KMT5A: variants seen among roughly 807,000 people sequenced by gnomAD.
KMT5A encodes the protein lysine methyltransferase 5A.
KMT5A carries 6 observed loss-of-function variants against 40.6 expected under a neutral mutation model. The ratio of observed to expected loss-of-function variants is 0.15; its 90% confidence interval spans 0.08 to 0.29. KMT5A has a LOEUF of 0.29. Among genes scored for constraint, KMT5A ranks in the 10% least tolerant of loss-of-function variants. The pLI, the probability that KMT5A is intolerant of heterozygous loss-of-function variation, is 1.00. For missense variants in KMT5A, 308 were observed against 459.1 expected (o/e 0.67, Z 3.01); for synonymous variants, 153 against 178.8 (o/e 0.86, Z 1.15).
In KMT5A at chr12:123,384,159, G is replaced by C; in HGVS notation, c.-40G>C. ...GTTGTTGCAACTTTTTTCGAAAGCT[G>C]GGTTTCCCGGGAGATCCCAGGCGGT... is the stretch of plus-strand genomic sequence containing the variant. On this transcript the variant is annotated 5_prime_UTR_variant, in exon 1 of 8. Transcript: ENST00000402868. The surrounding 1 kb of genome is among the most constrained non-coding windows in gnomAD (Gnocchi z 5.7). 3 of 1,613,062 alleles carry C rather than the reference G, an allele frequency of 1.9e-6. No homozygotes were observed. Among genetic ancestry groups the C allele is most frequent in the Admixed American group, 1.7e-5 (1 of 59,902 alleles).
intron 1 of KMT5A, among the ~76,000 whole-genome samples, chr12:123,386,579 A>G (rs1399640296): frequency 6.6e-6 from 1 of 152,202 alleles, no homozygotes; most frequent in Admixed American, 6.5e-5. Context: ...TTTTTCTTCT[A>G]GAAAATTGGG....
At chr12:123,407,444 A>G in intron 7 of KMT5A, 49 bp from the exon 8 acceptor site, 1 of 1,579,182 alleles carries the variant, frequency 6.3e-7, no homozygotes, top group Non-Finnish European at 8.7e-7. Flanking sequence ...CTTCAGGTTG[A>G]AAAGCCTCTT....
rs1324702539 is a variant in KMT5A, at chr12:123,407,976, TC to T, written c.*276del. 1 of 409,340 alleles carries T rather than the reference TC, an allele frequency of 2.4e-6. No individual in the cohort carries two copies. Among genetic ancestry groups the T allele is most frequent in the East Asian group, 5.1e-5 (1 of 19,496 alleles). 25.4% of individuals were successfully genotyped at this position (409,340 alleles called of 1,614,324 possible). ...TGCATACAAGCCGAACGTTTGTGCT[TC>T]CCGTGCATGCAGTCAAAGACTCAGC... is the stretch of plus-strand genomic sequence containing the variant. On this transcript the variant is annotated 3_prime_UTR_variant, in exon 8 of 8. Transcript: ENST00000402868.
intron 3 of KMT5A, among the ~76,000 whole-genome samples, chr12:123,393,050 G>A (rs1421274945): frequency 1.3e-5 from 2 of 152,020 alleles, no homozygotes; most frequent in Admixed American, 6.6e-5. Context: ...CTAATTTTTT[G>A]TATTTTCAGT....
At chr12:123,397,295 C>T (rs766241758) in intron 5 of KMT5A, among the ~76,000 whole-genome samples, 1 of 152,234 alleles carries the variant, frequency 6.6e-6, no homozygotes, top group Non-Finnish European at 1.5e-5. Flanking sequence ...TCTTCCCCCT[C>T]AGGGACACCT....
chr12:123,407,959 A>G lies in KMT5A; in HGVS notation c.*256A>G. Reference sequence around the variant, plus strand: ...TGTTTTTGTACTTTTTTTGCATACAAGCCGAACGTTTGTGCTTCCCGTGCA... The same window carrying G: ...TGTTTTTGTACTTTTTTTGCATACAGGCCGAACGTTTGTGCTTCCCGTGCA... On this transcript the variant is annotated 3_prime_UTR_variant, in exon 8 of 8. Transcript: ENST00000402868. The G allele has an allele frequency of 2.2e-6, 1 of 458,028 alleles. No homozygotes were observed. Among genetic ancestry groups the G allele is most frequent in the Non-Finnish European group, 3.9e-6 (1 of 253,844 alleles). The allele number at this position is 458,028 out of a possible 1,614,324, so 28.4% of individuals were successfully genotyped here.
chr12:123,397,538 A>T (rs1384450507), intron 5 of KMT5A, among the ~76,000 whole-genome samples: 4 of 152,120 alleles, frequency 2.6e-5, no homozygotes, highest in Non-Finnish European at 5.9e-5. Flanking sequence ...AAAAATTTTT[A>T]AAAAGGTCCA....
intron 5 of KMT5A, among the ~76,000 whole-genome samples, chr12:123,401,235 G>A (rs1386164717): frequency 3.4e-5 from 4 of 118,456 alleles, no homozygotes; most frequent in African/African-American, 1.3e-4. Flanking sequence ...TGCAAGCTCC[G>A]CCTCCCGGGC....
Position 123,407,243 on chromosome 12 carries a change from G to A in KMT5A, c.849-250G>A, listed in dbSNP as rs533497387. ...GGTCAAAGCTACTCGGGAGGCTGAG[G>A]TAGGAGGATGACTTGAGCCCGGGAG... On this transcript the variant is annotated intron_variant, in intron 7 of 7. Coordinates refer to ENST00000402868, the MANE Select transcript of KMT5A (RefSeq NM_020382.7). 6.6e-5 allele frequency among the ~76,000 whole-genome samples: 10 copies of A among 151,746 alleles called. No individual in the cohort carries two copies. The South Asian group carries it at 1.9e-3, about 28-fold the overall frequency.
chr12:123,395,360 G>A (rs1338805235), intron 4 of KMT5A, 94 bp downstream of exon 4: 2 of 1,251,166 alleles, frequency 1.6e-6, no homozygotes, highest in Non-Finnish European at 2.3e-6. Flanking sequence ...GGGTTCAGTG[G>A]CCACCTCTCA....
Position 123,390,763 on chromosome 12 carries a change from C to G in KMT5A, c.266C>G (p.Ala89Gly). ...GTCAAATGCCAGGGGAAACCATTAGCCGGAATCTACAGGAAACGAGAAGGT... is the reference window on the plus strand; with the variant it reads ...GTCAAATGCCAGGGGAAACCATTAGGCGGAATCTACAGGAAACGAGAAGGT... ...HEVKCQGKPL[A>G]GIYRKREEKR... The change falls in exon 3 of 8, where the codon GCC becomes GGC. Residue 89 changes from alanine (A) to glycine (G), a missense_variant. By Grantham distance (60) the Ala-to-Gly change is moderately conservative. This residue lies in a region of KMT5A where 127 missense variants were observed against 129.8 expected (regional missense o/e 0.98). Transcript: ENST00000402868. The G allele has an allele frequency of 6.2e-7, 1 of 1,613,930 alleles. No homozygotes were observed. Among genetic ancestry groups the G allele is most frequent in the South Asian group, 1.1e-5 (1 of 91,074 alleles).
At chr12:123,390,957 G>A in intron 3 of KMT5A, 171 bp downstream of exon 3, 1 of 748,654 alleles carries the variant, frequency 1.3e-6, no homozygotes, top group Non-Finnish European at 2.1e-6. Flanking sequence ...CAGGGTGTGT[G>A]CCCTGTTGGT....
At chr12:123,395,001 G>A in intron 3 of KMT5A, 46 bp from the exon 4 acceptor site, 1 of 1,464,926 alleles carries the variant, frequency 6.8e-7, no homozygotes, top group Non-Finnish European at 9.3e-7. Flanking sequence ...TGGAAATTGA[G>A]AGACAGTACA....
intron 5 of KMT5A, among the ~76,000 whole-genome samples, chr12:123,396,775 C>T (rs986172682): frequency 5.3e-5 from 8 of 151,794 alleles, no homozygotes; most frequent in Non-Finnish European, 1.2e-4. Context: ...GAAAGGCTGC[C>T]TGTTCTTTCA....
intron 7 of KMT5A, among the ~76,000 whole-genome samples, chr12:123,406,380 T>A (rs2139209266): frequency 6.6e-6 from 1 of 152,282 alleles, no homozygotes; most frequent in Middle Eastern, 3.4e-3. Context: ...AGTGGCACGA[T>A]CTTGGCTCAC....
intron 5 of KMT5A, among the ~76,000 whole-genome samples, chr12:123,401,648 C>G (rs1486003558): frequency 6.6e-6 from 1 of 152,022 alleles, no homozygotes; most frequent in Non-Finnish European, 1.5e-5. Context: ...GTGGTGCGAT[C>G]TTGGCCTACT....
chr12:123,385,687 A>G (rs1876833474), intron 1 of KMT5A, among the ~76,000 whole-genome samples: 1 of 152,130 alleles, frequency 6.6e-6, no homozygotes, highest in African/African-American at 2.4e-5. Context: ...TCCCGTCTCT[A>G]CTAAAAATAC....
At chr12:123,387,186 C>T (rs1050193262) in intron 1 of KMT5A, among the ~76,000 whole-genome samples, 1 of 152,086 alleles carries the variant, frequency 6.6e-6, no homozygotes, top group Admixed American at 6.6e-5. Context: ...TATAAACTTG[C>T]GGAGAAAGGA....
At chr12:123,391,360 A>G (rs1170962067) in intron 3 of KMT5A, 2 of 154,066 alleles carry the variant, frequency 1.3e-5, no homozygotes, top group Non-Finnish European at 2.9e-5. Context: ...ACGCCCAGCT[A>G]ATTTTTGTAT....
Sources: allele counts gnomAD v4.1 joint callset (sites outside exome capture counted in the v4.1 genomes callset), GRCh38; gene constraint gnomAD v4.1.1; regional missense constraint gnomAD v4.1.1; non-coding constraint Gnocchi (gnomAD v3.1); transcripts MANE v1.5; gene names NCBI Gene and HGNC (gene_info 2026-07-23, HGNC 2026-07-21).